SERPINB12: variants seen among roughly 807,000 people sequenced by gnomAD.
SERPINB12 encodes serpin family B member 12.
In SERPINB12, 57 loss-of-function variants were observed where a neutral mutation model predicts 41.1. That is an observed-to-expected ratio of 1.39 (90% CI 1.12 to 1.73). SERPINB12 has a LOEUF of 1.73. Among genes scored for constraint, SERPINB12 ranks in the 40% most tolerant of loss-of-function variants. SERPINB12 has a pLI of 0.00. For missense variants in SERPINB12, 536 were observed against 501.9 expected (o/e 1.07, Z -0.65); for synonymous variants, 180 against 181.3 (o/e 0.99, Z 0.06).
upstream of SERPINB12, among the ~76,000 whole-genome samples, chr18:63,539,124 T>C (rs1333680705): frequency 1.3e-5 from 2 of 152,040 alleles, no homozygotes; most frequent in African/African-American, 4.8e-5. Flanking sequence ...CTGACCAGGG[T>C]TATTTCCTCT....
upstream of SERPINB12, among the ~76,000 whole-genome samples, chr18:63,541,243 T>A (rs1568122992): frequency 6.6e-6 from 1 of 152,178 alleles, no homozygotes; most frequent in Non-Finnish European, 1.5e-5. Flanking sequence ...TTACCTGGTT[T>A]ATAGGTTAGG....
At chr18:63,551,754 AT>A (rs1910536836) in intron 1 of SERPINB12, among the ~76,000 whole-genome samples, 1 of 152,208 alleles carries the variant, frequency 6.6e-6, no homozygotes, top group African/African-American at 2.4e-5. Context: ...ACATTTTGGT[AT>A]TGTAATATTT....
At chr18:63,560,221 A>C (rs1910857008) in intron 4 of SERPINB12, among the ~76,000 whole-genome samples, 2 of 152,182 alleles carry the variant, frequency 1.3e-5, no homozygotes, top group African/African-American at 4.8e-5. Flanking sequence ...AAGGCACAGG[A>C]CTTGTGTCTG....
chr18:63,527,975 C>T, the SERPINB12 span, among the ~76,000 whole-genome samples: 301 of 152,028 alleles, frequency 2.0e-3, 1 homozygote, highest in African/African-American at 6.9e-3. Context: ...TGGTTTTATA[C>T]GGGGGGAGTT....
At chr18:63,535,706 C>T in the SERPINB12 span, among the ~76,000 whole-genome samples, 2 of 152,268 alleles carry the variant, frequency 1.3e-5, no homozygotes, top group East Asian at 3.9e-4. Context: ...TGTTACATTT[C>T]CAGATTTCAG....
At chr18:63,566,025 A>G (rs1043859054) in intron 7 of SERPINB12, among the ~76,000 whole-genome samples, 1 of 152,214 alleles carries the variant, frequency 6.6e-6, no homozygotes, top group African/African-American at 2.4e-5. Context: ...ACAGAAGTGT[A>G]GAGAGTGACA....
At chr18:63,539,520 G>A (rs1181884230), upstream of SERPINB12, among the ~76,000 whole-genome samples, 3 of 151,926 alleles carry the variant, frequency 2.0e-5, no homozygotes, top group Non-Finnish European at 4.4e-5. Context: ...CTTGGGTCTC[G>A]GTCAAGGAAT....
At chr18:63,519,255 G>A in the SERPINB12 span, among the ~76,000 whole-genome samples, 1 of 152,208 alleles carries the variant, frequency 6.6e-6, no homozygotes, top group Non-Finnish European at 1.5e-5. Flanking sequence ...GGGGCCGGGA[G>A]ACAGGGACCA....
chr18:63,556,616 C>T (rs1599420438), intron 2 of SERPINB12, among the ~76,000 whole-genome samples: 1 of 152,174 alleles, frequency 6.6e-6, no homozygotes, highest in Admixed American at 6.5e-5. Context: ...GCATGTCTGT[C>T]ACTCTTTTAC....
At position 63,567,680 on chromosome 18, in the gene SERPINB12, A is replaced by G. The variant is rs1161215519; in HGVS notation, c.*669A>G. 2.0e-5 allele frequency among the ~76,000 whole-genome samples: 3 copies of G among 152,200 alleles called. No homozygotes were observed. The highest frequency in any genetic ancestry group is 4.4e-5 in the Non-Finnish European group (3 of 68,030). ...ATGATATTTGTCTTGTGATTTTGAC[A>G]CTGACCCAGGAAAGTGGCTAGTGGA... On this transcript the variant is annotated 3_prime_UTR_variant, in exon 8 of 8. Coordinates refer to ENST00000382768, the MANE Select transcript of SERPINB12 (RefSeq NM_001307928.2).
chr18:63,527,923 C>T, the SERPINB12 span, among the ~76,000 whole-genome samples: 7 of 151,922 alleles, frequency 4.6e-5, no homozygotes, highest in African/African-American at 7.3e-5. Context: ...AGGTCTTTCC[C>T]GTGCTGTTCT....
chr18:63,527,452 TGA>T, the SERPINB12 span, among the ~76,000 whole-genome samples: 1 of 152,184 alleles, frequency 6.6e-6, no homozygotes, highest in Admixed American at 6.6e-5. Flanking sequence ...TTAAAAGGGA[TGA>T]CTCCTCAAGA....
At chr18:63,545,030 C>G (rs1910353286) in intron 1 of SERPINB12, among the ~76,000 whole-genome samples, 1 of 152,084 alleles carries the variant, frequency 6.6e-6, no homozygotes, top group East Asian at 1.9e-4. Flanking sequence ...CTGGCAAAGA[C>G]TTTGATTGCT....
At position 63,542,424 on chromosome 18, in the gene SERPINB12, A is replaced by G. The variant is rs191041079; in HGVS notation, c.-87A>G. Among the ~76,000 whole-genome samples, 13 of 152,238 alleles carry G rather than the reference A, an allele frequency of 8.5e-5. No individual in the cohort carries two copies. The highest frequency in any genetic ancestry group is 1.6e-4 in the Non-Finnish European group (11 of 68,014). ...GGACTTGCCTGGTTCCTCCTCTGCT[A>G]GATTGATTTTTGAATTGACTTTATC... On this transcript the variant is annotated 5_prime_UTR_variant, in exon 1 of 8. Transcript: ENST00000382768.
At chr18:63,531,057 A>T in the SERPINB12 span, among the ~76,000 whole-genome samples, 1 of 152,230 alleles carries the variant, frequency 6.6e-6, no homozygotes, top group Non-Finnish European at 1.5e-5. Context: ...AATAGACCTA[A>T]ATCTTTCATT....
At chr18:63,549,962 G>A (rs894100261) in intron 1 of SERPINB12, among the ~76,000 whole-genome samples, 1 of 152,208 alleles carries the variant, frequency 6.6e-6, no homozygotes, top group African/African-American at 2.4e-5. Context: ...CTTGTGCCAC[G>A]TAGTGGTTGG....
chr18:63,543,834 C>A (rs1321133584), intron 1 of SERPINB12, among the ~76,000 whole-genome samples: 1 of 152,144 alleles, frequency 6.6e-6, no homozygotes, highest in African/African-American at 2.4e-5. Context: ...CCAGGCTGGT[C>A]TTGAACTCCT....
chr18:63,519,265 A>C, the SERPINB12 span, among the ~76,000 whole-genome samples: 1 of 152,152 alleles, frequency 6.6e-6, no homozygotes, highest in African/African-American at 2.4e-5. Context: ...GACAGGGACC[A>C]CCCTAGTTTA....
intron 6 of SERPINB12, 52 bp downstream of exon 6, chr18:63,564,172 T>C (rs760938964): frequency 1.3e-6 from 2 of 1,568,128 alleles, no homozygotes; most frequent in South Asian, 2.4e-5. Flanking sequence ...TAATTTCCAC[T>C]AGGAATGATT....
Sources: allele counts gnomAD v4.1 joint callset (sites outside exome capture counted in the v4.1 genomes callset), GRCh38; gene constraint gnomAD v4.1.1; transcripts MANE v1.5; gene names NCBI Gene and HGNC (gene_info 2026-07-23, HGNC 2026-07-21).